The following ARHGAP32 variants were observed in gnomAD, a reference collection of about 807,000 sequenced individuals.
The protein encoded by ARHGAP32 is rho GTPase-activating protein 32.
In ARHGAP32, 51 loss-of-function variants were observed where a neutral mutation model predicts 186.5. That is an observed-to-expected ratio of 0.27 (90% CI 0.22 to 0.35). The LOEUF is 0.35. Ranked by LOEUF, ARHGAP32 falls within the 10% of genes least tolerant of loss-of-function variation. ARHGAP32 has a pLI of 1.00. For synonymous variants in ARHGAP32, 950 were observed against 964.3 expected (o/e 0.99, Z 0.27); for missense variants, 2,186 against 2,623.5 (o/e 0.83, Z 3.64).
chr11:128,997,200 G>C (rs1317360964), intron 12 of ARHGAP32, among the ~76,000 whole-genome samples: 1 of 152,004 alleles, frequency 6.6e-6, no homozygotes, highest in East Asian at 1.9e-4. Flanking sequence ...TGTGCATTTA[G>C]TTGCAAAAGT....
intron 1 of ARHGAP32, among the ~76,000 whole-genome samples, chr11:129,198,517 T>G (rs1202461021): frequency 2.0e-5 from 3 of 152,180 alleles, no homozygotes; most frequent in Non-Finnish European, 4.4e-5. Flanking sequence ...TCTCACGAGA[T>G]CTGATGGTTT....
rs1360756501 is a variant in ARHGAP32 at position 128,980,668 on chromosome 11, T to A, written c.1861A>T (p.Thr621Ser). The A allele has an allele frequency of 4.3e-6, 7 of 1,614,052 alleles. No individual in the cohort carries two copies. The highest frequency in any genetic ancestry group is 2.2e-5 in the South Asian group (2 of 91,070). ...LLTLEEAQAR[T>S]QAQVNSPIVT... ...ATTGGAGAATTGACCTGAGCTTGTG[T>A]TCGTGCCTGGGCCTCTTCCAATGTC... is the stretch of plus-strand genomic sequence containing the variant. The change falls in exon 18 of 23, where the codon ACA (threonine) becomes TCA (serine). Residue 621 changes from threonine (T) to serine (S), a missense_variant. Thr to Ser is a moderately conservative substitution (Grantham distance 58). Transcript: ENST00000682385.
chr11:129,154,499 A>T (rs1028770569), intron 2 of ARHGAP32, among the ~76,000 whole-genome samples: 2 of 152,170 alleles, frequency 1.3e-5, no homozygotes, highest in Non-Finnish European at 2.9e-5. Flanking sequence ...CTTGACCAAC[A>T]AGTGGATAAA....
chr11:129,097,869 G>A (rs760755907), intron 5 of ARHGAP32, among the ~76,000 whole-genome samples: 5 of 152,076 alleles, frequency 3.3e-5, no homozygotes, highest in South Asian at 2.1e-4. Context: ...TAAGACACCC[G>A]ATAATCAAAT....
At chr11:129,206,253 C>G (rs1323900176) in intron 1 of ARHGAP32, among the ~76,000 whole-genome samples, 1 of 151,970 alleles carries the variant, frequency 6.6e-6, no homozygotes, top group Non-Finnish European at 1.5e-5. Context: ...ACTCTGTCAC[C>G]CAGGCTGGAG....
At chr11:129,033,725 T>A (rs951918713) in intron 11 of ARHGAP32, among the ~76,000 whole-genome samples, 4 of 152,228 alleles carry the variant, frequency 2.6e-5, no homozygotes, top group African/African-American at 9.6e-5. Context: ...CATACAGATT[T>A]GTAATTCTCC....
intron 11 of ARHGAP32, among the ~76,000 whole-genome samples, chr11:129,032,282 C>T (rs1276776393): frequency 6.6e-6 from 1 of 152,218 alleles, no homozygotes; most frequent in Non-Finnish European, 1.5e-5. Context: ...CAGAGTTCTG[C>T]TCCTACCAGT....
chr11:128,978,989 C>T (rs1945632147), intron 18 of ARHGAP32, 74 bp from the exon 19 acceptor site: 1 of 1,388,942 alleles, frequency 7.2e-7, no homozygotes, highest in African/African-American at 1.5e-5. Context: ...GAAATGAACA[C>T]ATGACAGAAA....
At chr11:129,193,625 A>ATATATAT (rs1491110243), upstream of ARHGAP32, among the ~76,000 whole-genome samples, 135 of 74,812 alleles carry the variant, frequency 1.8e-3, 5 homozygotes, top group African/African-American at 7.0e-3. Flanking sequence ...ATGTTATATA[A>ATATATAT]TATATATAAT....
chr11:128,968,771 T>G lies in ARHGAP32; in HGVS notation c.*136A>C. 1 of 664,616 alleles carries G rather than the reference T, an allele frequency of 1.5e-6. No homozygotes were observed. Among genetic ancestry groups the G allele is most frequent in the Non-Finnish European group, 2.2e-6 (1 of 456,086 alleles). The allele number at this position is 664,616 out of a possible 1,614,324, so 41.2% of individuals were successfully genotyped here. On this transcript the variant is annotated 3_prime_UTR_variant, in exon 23 of 23. Coordinates refer to ENST00000682385, the MANE Select transcript of ARHGAP32 (RefSeq NM_001378024.1). The stretch of plus-strand genomic sequence containing the variant: ...AGGGAAGGGGAAAAAGATGCTGATT[T>G]GTTTACTTTTATTATCATTTTTTAA...
At chr11:129,275,854 G>A (rs986727641) in intron 1 of ARHGAP32, among the ~76,000 whole-genome samples, 72 of 152,352 alleles carry the variant, frequency 4.7e-4, no homozygotes, top group African/African-American at 1.7e-3. Flanking sequence ...GCCAGATATG[G>A]CCTGCAGGCT....
intron 2 of ARHGAP32, among the ~76,000 whole-genome samples, chr11:129,150,803 C>G (rs773127203): frequency 6.6e-6 from 1 of 151,838 alleles, no homozygotes; most frequent in Non-Finnish European, 1.5e-5. Context: ...AAGACAATAA[C>G]ATAATGAAAA....
At chr11:129,005,650 T>C (rs753596316) in intron 11 of ARHGAP32, among the ~76,000 whole-genome samples, 1 of 152,250 alleles carries the variant, frequency 6.6e-6, no homozygotes, top group Non-Finnish European at 1.5e-5. Context: ...TTGTATGTTC[T>C]TTTTTCTTGC....
chr11:128,990,247 T>C (rs1220052831), intron 12 of ARHGAP32, among the ~76,000 whole-genome samples: 1 of 152,224 alleles, frequency 6.6e-6, no homozygotes, highest in Non-Finnish European at 1.5e-5. Context: ...TAGAGGTGGC[T>C]GAGCACTGTG....
intron 1 of ARHGAP32, among the ~76,000 whole-genome samples, chr11:129,170,082 T>C (rs566365209): frequency 2.0e-5 from 3 of 151,980 alleles, no homozygotes; most frequent in East Asian, 3.9e-4. Flanking sequence ...ACAAAAAGGA[T>C]AGTGACCGAA....
At chr11:129,186,973 A>C (rs1293937080) in intron 1 of ARHGAP32, among the ~76,000 whole-genome samples, 2 of 152,164 alleles carry the variant, frequency 1.3e-5, no homozygotes, top group African/African-American at 4.8e-5. Context: ...AAAAAAACTA[A>C]AAATAGAGCT....
At chr11:129,045,351 A>C (rs1004268953) in intron 10 of ARHGAP32, among the ~76,000 whole-genome samples, 1 of 152,240 alleles carries the variant, frequency 6.6e-6, no homozygotes. Flanking sequence ...CTGCTGACTC[A>C]GCACTAGAAA....
chr11:129,059,972 T>C (rs1172791664), intron 10 of ARHGAP32, among the ~76,000 whole-genome samples: 1 of 152,236 alleles, frequency 6.6e-6, no homozygotes, highest in Admixed American at 6.5e-5. Context: ...ATAGGAAAGA[T>C]TTTTCATTAT....
At chr11:128,986,169 G>C in intron 14 of ARHGAP32, 84 bp from the exon 15 acceptor site, 1 of 1,048,336 alleles carries the variant, frequency 9.5e-7, no homozygotes, top group Non-Finnish European at 1.4e-6. Flanking sequence ...TTCACTCTGA[G>C]ATCAACTTGC....
Sources: allele counts gnomAD v4.1 joint callset (sites outside exome capture counted in the v4.1 genomes callset), GRCh38; gene constraint gnomAD v4.1.1; transcripts MANE v1.5; gene names NCBI Gene and HGNC (gene_info 2026-07-23, HGNC 2026-07-21).